Variants in ERC2 observed in about 807,000 individuals in gnomAD.
ERC2 encodes the protein ERC protein 2.
ERC2 carries 42 observed loss-of-function variants against 114.8 expected under a neutral mutation model. That is an observed-to-expected ratio of 0.37 (90% CI 0.29 to 0.47). ERC2 has a LOEUF of 0.47. Among genes scored for constraint, ERC2 ranks in the 20% least tolerant of loss-of-function variants. The pLI is 0.99. For missense variants in ERC2, 939 were observed against 1,150.7 expected (o/e 0.82, Z 2.66); for synonymous variants, 454 against 425.5 (o/e 1.07, Z -0.82).
intron 14 of ERC2, among the ~76,000 whole-genome samples, chr3:55,870,453 C>A (rs1429424682): frequency 6.6e-6 from 1 of 152,132 alleles, no homozygotes; most frequent in African/African-American, 2.4e-5. Flanking sequence ...TTAAGACTTG[C>A]TACTTAGCAA....
chr3:56,309,477 A>T (rs1256510651), intron 2 of ERC2, among the ~76,000 whole-genome samples: 1 of 152,224 alleles, frequency 6.6e-6, no homozygotes, highest in African/African-American at 2.4e-5. Context: ...AGAGTTAAGG[A>T]CTTAAGTTCT....
At chr3:55,954,080 TTAA>T (rs1559926459) in intron 12 of ERC2, among the ~76,000 whole-genome samples, 1 of 61,550 alleles carries the variant, frequency 1.6e-5, no homozygotes, top group Non-Finnish European at 3.2e-5. Context: ...GCTCCATTAT[TTAA>T]AAAAAAAAAA....
At chr3:56,168,769 C>T (rs2082458318) in intron 4 of ERC2, among the ~76,000 whole-genome samples, 1 of 152,206 alleles carries the variant, frequency 6.6e-6, no homozygotes, top group Admixed American at 6.5e-5. Context: ...CAGGTCAGCT[C>T]CATGCAGAAC....
rs371754235 is a variant in ERC2 at position 55,950,469 on chromosome 3, G to C, written c.2359C>G (p.Arg787Gly). ...TCAGCCATGCTGTCTTCTCGCCTGC[G>C]CACTTCTTCTAGTAACTGAGCATTT... is the stretch of plus-strand genomic sequence containing the variant. ...KKNAQLLEEV[R>G]RREDSMADNS... Residue 787 changes from arginine (R) to glycine (G), a missense_variant, in exon 13 of 18, where the codon CGC becomes GGC. By Grantham distance (125) the Arg-to-Gly change is moderately radical. Coordinates refer to ENST00000288221, the MANE Select transcript of ERC2 (RefSeq NM_015576.3). 1 of 1,613,894 alleles carries C rather than the reference G, an allele frequency of 6.2e-7. No homozygotes were observed. Among genetic ancestry groups the C allele is most frequent in the East Asian group, 2.2e-5 (1 of 44,888 alleles).
intron 3 of ERC2, among the ~76,000 whole-genome samples, chr3:56,232,945 T>C (rs932104154): frequency 6.6e-6 from 1 of 152,186 alleles, no homozygotes; most frequent in African/African-American, 2.4e-5. Flanking sequence ...AACCCAAAAA[T>C]CACTTCCTCG....
At chr3:55,668,041 G>T (rs993834241) in intron 17 of ERC2, among the ~76,000 whole-genome samples, 1 of 152,096 alleles carries the variant, frequency 6.6e-6, no homozygotes, top group Non-Finnish European at 1.5e-5. Flanking sequence ...AACCAAAAAT[G>T]ATTCCAGAGA....
At chr3:55,981,781 A>G (rs2070158816) in intron 12 of ERC2, among the ~76,000 whole-genome samples, 1 of 152,222 alleles carries the variant, frequency 6.6e-6, no homozygotes. Context: ...TCATGTCTGA[A>G]GCCAGACATG....
chr3:56,361,294 C>T (rs964352974), intron 2 of ERC2, among the ~76,000 whole-genome samples: 3 of 152,068 alleles, frequency 2.0e-5, no homozygotes, highest in Non-Finnish European at 2.9e-5. Context: ...GAGACAAGGA[C>T]GTCCAAGTCT....
At chr3:55,627,779 T>G (rs1264872045) in intron 17 of ERC2, among the ~76,000 whole-genome samples, 1 of 151,814 alleles carries the variant, frequency 6.6e-6, no homozygotes, top group Non-Finnish European at 1.5e-5. Context: ...AAATCATCAA[T>G]CAAGGGACTT....
chr3:55,748,801 T>C (rs2066474577), intron 14 of ERC2, among the ~76,000 whole-genome samples: 1 of 152,080 alleles, frequency 6.6e-6, no homozygotes, highest in Non-Finnish European at 1.5e-5. Context: ...AACAGAAACA[T>C]GAAACCTCAT....
chr3:56,434,385 T>C lies in ERC2; in HGVS notation c.623A>G (p.Lys208Arg). ...KEEAARMSVL[K>R]EQMRVSHEEN... is the part of the protein sequence containing the mutation. ...TTCATGGGAAACCCTCATCTGCTCC[T>C]TGAGGACAGACATCCGCGCTGCCTC... Residue 208 changes from lysine to arginine, a missense_variant, in exon 2 of 18, where the codon AAG (lysine) becomes AGG (arginine). Coordinates refer to ENST00000288221, the MANE Select transcript of ERC2 (RefSeq NM_015576.3). 6.2e-7 allele frequency: 1 copy of C among 1,613,960 alleles called. No individual in the cohort carries two copies. Among genetic ancestry groups the C allele is most frequent in the East Asian group, 2.2e-5 (1 of 44,888 alleles).
chr3:55,631,618 C>A (rs377485220), intron 17 of ERC2, among the ~76,000 whole-genome samples: 36 of 152,270 alleles, frequency 2.4e-4, no homozygotes, highest in African/African-American at 8.7e-4. Flanking sequence ...GGGCTCTCAG[C>A]AGTGAAAAGA....
chr3:55,526,001 C>T (rs115979056), intron 17 of ERC2, among the ~76,000 whole-genome samples: 2,560 of 152,266 alleles, frequency 0.017, 58 homozygotes, highest in African/African-American at 0.046. Flanking sequence ...TAAGGTTATA[C>T]TGAATTAGGA....
In ERC2 at chr3:55,888,429, T is replaced by A; in HGVS notation, c.2524A>T (p.Ile842Phe). The change falls in exon 14 of 18, where the codon ATT becomes TTT. Residue 842 changes from isoleucine (I) to phenylalanine (F), a missense_variant. Around this residue, in one of 5 missense-constraint regions of ERC2, gnomAD observed 328 missense variants for 353.9 expected, o/e 0.93. Transcript: ENST00000288221. ...TCCTCCAGCTGTTTCCTCCTCTCAA[T>A]CCGGAGGTTGGCCAAGTGCGCTTCT... ...EKEAHLANLR[I>F]ERRKQLEEIL... 1 of 1,613,852 alleles carries A rather than the reference T, an allele frequency of 6.2e-7. No homozygotes were observed. The highest frequency in any genetic ancestry group is 8.5e-7 in the Non-Finnish European group (1 of 1,179,836).
intron 14 of ERC2, among the ~76,000 whole-genome samples, chr3:55,799,603 C>CA (rs529324469): frequency 6.1e-4 from 93 of 151,750 alleles, no homozygotes; most frequent in Admixed American, 1.1e-3. Flanking sequence ...TGACAACACA[C>CA]AAAGAGGTTA....
At chr3:55,760,319 G>C (rs1043988960) in intron 14 of ERC2, among the ~76,000 whole-genome samples, 6 of 152,130 alleles carry the variant, frequency 3.9e-5, no homozygotes, top group African/African-American at 1.4e-4. Context: ...AAATACTTTA[G>C]TGAGGTTGTG....
chr3:55,641,476 G>A (rs992730785), intron 17 of ERC2, among the ~76,000 whole-genome samples: 6 of 141,508 alleles, frequency 4.2e-5, no homozygotes, highest in African/African-American at 1.0e-4. Context: ...CTTGAACCTC[G>A]GAGGCAGAGG....
At chr3:56,347,781 T>G (rs919137168) in intron 2 of ERC2, among the ~76,000 whole-genome samples, 1 of 152,134 alleles carries the variant, frequency 6.6e-6, no homozygotes, top group Non-Finnish European at 1.5e-5. Context: ...GCTTCTAAAT[T>G]TTAATAATCC....
intron 14 of ERC2, among the ~76,000 whole-genome samples, chr3:55,835,560 T>G (rs1231668967): frequency 6.6e-6 from 1 of 152,216 alleles, no homozygotes; most frequent in African/African-American, 2.4e-5. Flanking sequence ...CAATGCTTCA[T>G]GCTAAAAACT....
Sources: gnomAD v4.1 joint callset for allele counts (sites outside exome capture counted in the v4.1 genomes callset) on GRCh38, gnomAD v4.1.1 for gene constraint, gnomAD v4.1.1 regional missense constraint, MANE v1.5 for transcripts, NCBI Gene and HGNC (gene_info 2026-07-23, HGNC 2026-07-21) for gene names.